TYW1B: variants seen among roughly 807,000 people sequenced by gnomAD.
TYW1B encodes the protein tRNA-yW synthesizing protein 1 homolog B, also known as S-adenosyl-L-methionine-dependent tRNA 4-demethylwyosine synthase TYW1B.
Under a neutral mutation model 86.9 loss-of-function variants are expected in TYW1B, and 73 were observed. The observed-to-expected ratio is 0.84, with a 90% CI of 0.70 to 1.02. The LOEUF (loss-of-function observed/expected upper bound fraction) is 1.02. TYW1B is among the 50% of genes least tolerant of loss of function. TYW1B has a pLI of 0.00. For missense variants in TYW1B, 637 were observed against 827.4 expected (o/e 0.77, Z 2.82); for synonymous variants, 248 against 292.8 (o/e 0.85, Z 1.56).
intron 11 of TYW1B, among the ~76,000 whole-genome samples, chr7:72,687,867 G>A (rs1182918467): frequency 6.6e-6 from 1 of 151,896 alleles, no homozygotes; most frequent in Admixed American, 6.6e-5. Flanking sequence ...ACCAGCCTGG[G>A]CAACAAACAA....
chr7:72,598,119 TG>T (rs1326410477), intron 13 of TYW1B, among the ~76,000 whole-genome samples: 2 of 152,194 alleles, frequency 1.3e-5, no homozygotes, highest in African/African-American at 4.8e-5. Flanking sequence ...GTCAGTGGGC[TG>T]GGGAAGGCAG....
At chr7:72,584,001 T>A (rs1377292803) in intron 13 of TYW1B, among the ~76,000 whole-genome samples, 2 of 152,190 alleles carry the variant, frequency 1.3e-5, no homozygotes, top group Non-Finnish European at 2.9e-5. Context: ...GAACTAATAG[T>A]CATGTCTTTC....
chr7:72,615,664 AAAC>A (rs1812056057), intron 13 of TYW1B, among the ~76,000 whole-genome samples: 2 of 152,306 alleles, frequency 1.3e-5, no homozygotes, highest in South Asian at 4.1e-4. Context: ...ACAAACCATA[AAAC>A]AACTCACTTC....
rs1788762002 is a variant in TYW1B, at chr7:72,818,287, T to TA, written c.136-2807_136-2806insT. On this transcript the variant is annotated intron_variant, in intron 2 of 13. Coordinates refer to ENST00000620995, the MANE Select transcript of TYW1B (RefSeq NM_001145440.3). The stretch of plus-strand genomic sequence containing the variant: ...GTATTAGTCCATTCTTGCATTGCTA[T>TA]TAAAAAATACCCGGCCGGGCATGGT... 2.9e-3 allele frequency among the ~76,000 whole-genome samples: 436 copies of TA among 151,540 alleles called. 2 individuals carry two copies. Among genetic ancestry groups the TA allele is most frequent in the African/African-American group, 9.8e-3 (406 of 41,350 alleles).
chr7:72,683,028 G>A (rs1813914856), intron 11 of TYW1B, among the ~76,000 whole-genome samples: 1 of 152,198 alleles, frequency 6.6e-6, no homozygotes, highest in Non-Finnish European at 1.5e-5. Context: ...ATGTGTCAGA[G>A]CATTGTGTTG....
intron 8 of TYW1B, among the ~76,000 whole-genome samples, chr7:72,741,291 G>A (rs1787300812): frequency 6.6e-6 from 1 of 152,020 alleles, no homozygotes; most frequent in Admixed American, 6.6e-5. Flanking sequence ...ATGATAAGAA[G>A]GAACCAAACA....
chr7:72,649,468 G>C (rs1813009466), intron 11 of TYW1B, among the ~76,000 whole-genome samples: 1 of 152,144 alleles, frequency 6.6e-6, no homozygotes, highest in East Asian at 1.9e-4. Context: ...GCCTAAACCA[G>C]GATGTCATCT....
intron 11 of TYW1B, among the ~76,000 whole-genome samples, chr7:72,656,899 T>G (rs530908099): frequency 2.0e-5 from 3 of 152,314 alleles, no homozygotes; most frequent in Non-Finnish European, 4.4e-5. Context: ...AACTCATTCC[T>G]GAGGGATCTG....
At chr7:72,693,629 A>G (rs1196239186) in intron 11 of TYW1B, among the ~76,000 whole-genome samples, 1 of 151,776 alleles carries the variant, frequency 6.6e-6, no homozygotes. Flanking sequence ...TCCTGACCTC[A>G]AGCGATCTGC....
intron 2 of TYW1B, among the ~76,000 whole-genome samples, chr7:72,817,271 G>A (rs1788741596): frequency 6.6e-6 from 1 of 152,072 alleles, no homozygotes; most frequent in Admixed American, 6.6e-5. Context: ...GGGAGTGGTG[G>A]TGGGCACCTG....
chr7:72,817,011 C>A (rs1788736412), intron 2 of TYW1B, among the ~76,000 whole-genome samples: 1 of 152,146 alleles, frequency 6.6e-6, no homozygotes, highest in African/African-American at 2.4e-5. Flanking sequence ...GTGTGGAACC[C>A]TAAATTTAAA....
intron 12 of TYW1B, 95 bp from the exon 13 acceptor site, chr7:72,616,934 A>G (rs1229478592): frequency 4.0e-6 from 6 of 1,510,574 alleles, no homozygotes; most frequent in South Asian, 1.2e-5. Flanking sequence ...AGGTCAACCA[A>G]TGCAATCCAG....
chr7:72,676,424 G>A (rs1813736277), intron 11 of TYW1B, among the ~76,000 whole-genome samples: 1 of 152,166 alleles, frequency 6.6e-6, no homozygotes, highest in Non-Finnish European at 1.5e-5. Context: ...CCCAATGTCT[G>A]CTGTACACTA....
chr7:72,745,101 T>C (rs1297674126), intron 7 of TYW1B, among the ~76,000 whole-genome samples: 1 of 152,198 alleles, frequency 6.6e-6, no homozygotes, highest in Non-Finnish European at 1.5e-5. Context: ...CATAGCTCAC[T>C]GCAACCTCCA....
chr7:72,811,228 G>A (rs1187648123), intron 3 of TYW1B, among the ~76,000 whole-genome samples: 8 of 143,718 alleles, frequency 5.6e-5, no homozygotes, highest in East Asian at 4.1e-4. Context: ...CCGAGATCGC[G>A]CCACTGCACT....
intron 10 of TYW1B, among the ~76,000 whole-genome samples, chr7:72,706,431 CAAAAAAA>C (rs59124514): frequency 1.6e-5 from 1 of 64,490 alleles, no homozygotes; most frequent in Admixed American, 1.9e-4. Flanking sequence ...CCTCCATCTC[CAAAAAAA>C]AAAAAAAAAA....
chr7:72,789,638 T>G (rs1311035521), intron 6 of TYW1B, among the ~76,000 whole-genome samples: 12 of 152,076 alleles, frequency 7.9e-5, no homozygotes, highest in Non-Finnish European at 1.3e-4. Context: ...ATCACAGTAT[T>G]TTTTTAATTT....
intron 6 of TYW1B, among the ~76,000 whole-genome samples, chr7:72,791,990 CTG>C (rs1480601700): frequency 2.0e-5 from 3 of 152,084 alleles, no homozygotes; most frequent in Non-Finnish European, 4.4e-5. Context: ...GTCTTGGAGA[CTG>C]TGGTCTCAAA....
rs142535243 is a variant in TYW1B at position 72,826,911 on chromosome 7, C to A, written c.79G>T (p.Gly27Cys). Residue 27 changes from glycine to cysteine, a missense_variant, in exon 2 of 14, where the codon GGC becomes TGC. Coordinates refer to ENST00000620995, the MANE Select transcript of TYW1B (RefSeq NM_001145440.3). ...CAAAGGCTAATGCTAACAGCAAAGC[C>A]CAGATAAATGTAAAACCTGTTTATC... ...LWINRFYIYLGFAVSISLWIC... is the reference protein window; with the variant it reads ...LWINRFYIYLCFAVSISLWIC... The A allele has an allele frequency of 7.2e-5, 116 of 1,613,706 alleles. No homozygotes were observed. The highest frequency in any genetic ancestry group is 8.9e-5 in the Non-Finnish European group (105 of 1,179,972).
Sources: allele counts gnomAD v4.1 joint callset (sites outside exome capture counted in the v4.1 genomes callset), GRCh38; gene constraint gnomAD v4.1.1; transcripts MANE v1.5; gene names NCBI Gene and HGNC (gene_info 2026-07-23, HGNC 2026-07-21).